The following LINGO2 variants were observed in gnomAD, a reference collection of about 807,000 sequenced individuals.
The protein encoded by LINGO2 is leucine-rich repeat and immunoglobulin-like domain-containing nogo receptor-interacting protein 2.
In LINGO2, 14 loss-of-function variants were observed where a neutral mutation model predicts 30.6. The ratio of observed to expected loss-of-function variants is 0.46; its 90% CI spans 0.30 to 0.72. The LOEUF is 0.72. Among genes scored for constraint, LINGO2 ranks in the 30% least tolerant of loss-of-function variants. The pLI is 0.07. For missense variants in LINGO2, 729 were observed against 751.7 expected (o/e 0.97, Z 0.35); for synonymous variants, 317 against 288.5 (o/e 1.10, Z -1.00).
chr9:28,531,255 C>T (rs1821227663), intron 1 of LINGO2, among the ~76,000 whole-genome samples: 1 of 151,998 alleles, frequency 6.6e-6, no homozygotes, highest in Admixed American at 6.6e-5. Context: ...CACATATACA[C>T]AGCCTCTTTT....
the LINGO2 span, among the ~76,000 whole-genome samples, chr9:28,782,456 G>A: frequency 6.6e-6 from 1 of 152,082 alleles, no homozygotes; most frequent in Non-Finnish European, 1.5e-5. Flanking sequence ...TAGTCCCAGA[G>A]GAATAGCATG....
intron 1 of LINGO2, among the ~76,000 whole-genome samples, chr9:28,587,819 T>C (rs1824639963): frequency 6.6e-6 from 1 of 151,728 alleles, no homozygotes. Flanking sequence ...GGGCCACATT[T>C]CCCCCTCCCT....
intron 4 of LINGO2, among the ~76,000 whole-genome samples, chr9:28,069,288 C>CCTAG (rs955088570): frequency 6.6e-6 from 1 of 151,974 alleles, no homozygotes; most frequent in African/African-American, 2.4e-5. Context: ...TTAATAAGGG[C>CCTAG]CTAGAATAGA....
At chr9:29,113,840 G>A in the LINGO2 span, among the ~76,000 whole-genome samples, 2 of 152,104 alleles carry the variant, frequency 1.3e-5, no homozygotes, top group African/African-American at 2.4e-5. Context: ...GGTCAAGAGC[G>A]AGGTGATAAA....
chr9:29,111,894 T>TATGTGTGTATATATACATATATTTATAA, the LINGO2 span, among the ~76,000 whole-genome samples: 1 of 150,302 alleles, frequency 6.7e-6, no homozygotes, highest in African/African-American at 2.4e-5. Context: ...TATATTTATA[T>TATGTGTGTATATATACATATATTTATAA]ATGTGTGTAT....
intron 1 of LINGO2, among the ~76,000 whole-genome samples, chr9:28,597,531 T>C (rs1455378061): frequency 6.6e-6 from 1 of 152,156 alleles, no homozygotes; most frequent in African/African-American, 2.4e-5. Context: ...GCAACACTAG[T>C]AACAGTATTT....
chr9:29,138,804 T>C, the LINGO2 span, among the ~76,000 whole-genome samples: 9 of 152,180 alleles, frequency 5.9e-5, no homozygotes, highest in East Asian at 1.7e-3. Context: ...TTCTCTTTGA[T>C]ATTGCTTAGA....
At chr9:28,788,931 C>T in the LINGO2 span, among the ~76,000 whole-genome samples, 4 of 152,022 alleles carry the variant, frequency 2.6e-5, no homozygotes, top group Non-Finnish European at 4.4e-5. Flanking sequence ...ATGCATTGCT[C>T]GAAAGAAATG....
At chr9:28,250,902 T>C (rs554286876) in intron 4 of LINGO2, among the ~76,000 whole-genome samples, 21 of 145,724 alleles carry the variant, frequency 1.4e-4, no homozygotes, top group Admixed American at 1.4e-3. Context: ...TCTCCGTCAG[T>C]TGGGGACCTG....
intron 1 of LINGO2, among the ~76,000 whole-genome samples, chr9:28,664,022 T>G (rs2136019371): frequency 6.6e-6 from 1 of 152,312 alleles, no homozygotes; most frequent in African/African-American, 2.4e-5. Context: ...TAATATGAGA[T>G]ATTTGGTAAA....
At chr9:28,341,744 T>C (rs1189034933) in intron 3 of LINGO2, among the ~76,000 whole-genome samples, 1 of 152,154 alleles carries the variant, frequency 6.6e-6, no homozygotes, top group Non-Finnish European at 1.5e-5. Flanking sequence ...TTTCACACAG[T>C]AGATAAGTAT....
At chr9:29,163,562 CA>C in the LINGO2 span, among the ~76,000 whole-genome samples, 3 of 151,966 alleles carry the variant, frequency 2.0e-5, no homozygotes, top group African/African-American at 7.3e-5. Context: ...AGGAAAGCTT[CA>C]AAAAAATGAT....
chr9:28,423,814 C>A (rs1823300741), intron 2 of LINGO2, among the ~76,000 whole-genome samples: 1 of 151,996 alleles, frequency 6.6e-6, no homozygotes, highest in African/African-American at 2.4e-5. Flanking sequence ...ATATCTAAAT[C>A]TTTGTTCGTT....
chr9:29,010,731 A>C, the LINGO2 span, among the ~76,000 whole-genome samples: 7 of 152,098 alleles, frequency 4.6e-5, 1 homozygote, highest in Non-Finnish European at 1.0e-4. Context: ...ATAAATATTT[A>C]GATTTATTTG....
chr9:29,116,867 G>A, the LINGO2 span, among the ~76,000 whole-genome samples: 1 of 152,060 alleles, frequency 6.6e-6, no homozygotes, highest in Non-Finnish European at 1.5e-5. Flanking sequence ...ACAATAGGAA[G>A]GATAATCAAT....
chr9:28,995,299 G>A, the LINGO2 span, among the ~76,000 whole-genome samples: 1 of 152,168 alleles, frequency 6.6e-6, no homozygotes, highest in Non-Finnish European at 1.5e-5. Flanking sequence ...TCAGAGAAAT[G>A]CAAATCAAAA....
chr9:29,124,971 T>A, the LINGO2 span, among the ~76,000 whole-genome samples: 3 of 152,284 alleles, frequency 2.0e-5, no homozygotes, highest in East Asian at 5.8e-4. Flanking sequence ...CGTATGTTTA[T>A]TGCAGCAGTA....
the LINGO2 span, among the ~76,000 whole-genome samples, chr9:28,905,799 C>T: frequency 1.3e-5 from 2 of 152,134 alleles, no homozygotes; most frequent in Admixed American, 6.6e-5. Flanking sequence ...CCAGCAATCC[C>T]ACTTTTGGTA....
rs189570049 is a variant in LINGO2 at position 28,617,711 on chromosome 9, C to T, written c.-365+52489G>A. ...TCACACTGAAAGGACAAATTCATCCCTGTTTTCATCTTTACTTTTTTTTTA... is the reference window on the plus strand; with the variant it reads ...TCACACTGAAAGGACAAATTCATCCTTGTTTTCATCTTTACTTTTTTTTTA... On this transcript the variant is annotated intron_variant, in intron 1 of 5. Transcript: ENST00000379992. 5.8e-3 allele frequency among the ~76,000 whole-genome samples: 878 copies of T among 152,008 alleles called. 6 individuals are homozygous for T. Among genetic ancestry groups the T allele is most frequent in the Non-Finnish European group, 8.9e-3 (603 of 67,962 alleles).
Sources: gnomAD v4.1 joint callset for allele counts (sites outside exome capture counted in the v4.1 genomes callset) on GRCh38, gnomAD v4.1.1 for gene constraint, MANE v1.5 for transcripts, NCBI Gene and HGNC (gene_info 2026-07-23, HGNC 2026-07-21) for gene names.